MALRD1: variants seen among roughly 807,000 people sequenced by gnomAD.
MALRD1 encodes the protein MAM and LDL-receptor class A domain-containing protein 1.
A neutral mutation model predicts 242.1 loss-of-function variants in MALRD1; 247 were observed. That is an observed-to-expected ratio of 1.02 (90% CI 0.92 to 1.13). MALRD1 has a LOEUF of 1.13. Ranked by LOEUF, MALRD1 falls within the 50% of genes most tolerant of loss-of-function variation. The probability of loss-of-function intolerance (pLI) is 0.00; values close to 1 mark genes in which losing one functional copy is unlikely to be tolerated. For synonymous variants in MALRD1, 995 were observed against 866.6 expected (o/e 1.15, Z -2.60); for missense variants, 2,989 against 2,533.1 (o/e 1.18, Z -3.86).
intron 21 of MALRD1, among the ~76,000 whole-genome samples, chr10:19,321,338 G>A (rs1017594734): frequency 1.3e-5 from 2 of 152,090 alleles, no homozygotes; most frequent in Non-Finnish European, 2.9e-5. Flanking sequence ...ATTCACACAT[G>A]CAGTGTTGTA....
intron 28 of MALRD1, among the ~76,000 whole-genome samples, chr10:19,427,249 G>A (rs1833938025): frequency 6.6e-6 from 1 of 152,064 alleles, no homozygotes; most frequent in African/African-American, 2.4e-5. Flanking sequence ...GGGCATTTGG[G>A]TCTCAGTCCT....
chr10:19,729,070 G>A lies in MALRD1; in HGVS notation c.6315-1636G>A, dbSNP rs144508680. On this transcript the variant is annotated intron_variant, in intron 38 of 39. Transcript: ENST00000454679. Reference sequence around the variant, plus strand: ...TCATCAATAAGCAAAATGTACCCGCGGTGAGGGTGAAACATTTAATCTATT... The same window carrying A: ...TCATCAATAAGCAAAATGTACCCGCAGTGAGGGTGAAACATTTAATCTATT... Among the ~76,000 whole-genome samples, 999 of 152,222 alleles carry A rather than the reference G, an allele frequency of 6.6e-3. 8 individuals are homozygous for A. Among genetic ancestry groups the A allele is most frequent in the African/African-American group, 0.02 (844 of 41,534 alleles).
At chr10:19,504,615 A>T (rs1838115712) in intron 31 of MALRD1, among the ~76,000 whole-genome samples, 1 of 151,164 alleles carries the variant, frequency 6.6e-6, no homozygotes, top group South Asian at 2.1e-4. Flanking sequence ...ACTCATACAC[A>T]GACACACACA....
At chr10:19,732,999 C>G (rs1002909749) in intron 39 of MALRD1, among the ~76,000 whole-genome samples, 1 of 152,122 alleles carries the variant, frequency 6.6e-6, no homozygotes, top group Non-Finnish European at 1.5e-5. Flanking sequence ...CATCTCCTGA[C>G]CTTTGTGGCT....
chr10:19,056,525 T>C (rs745430820), intron 1 of MALRD1, among the ~76,000 whole-genome samples: 159 of 152,172 alleles, frequency 1.0e-3, no homozygotes, highest in Admixed American at 6.5e-4. Context: ...TTGATTTTTG[T>C]ATGTTGCTTT....
At chr10:19,237,120 A>G (rs1444598375) in intron 18 of MALRD1, among the ~76,000 whole-genome samples, 1 of 152,082 alleles carries the variant, frequency 6.6e-6, no homozygotes, top group Non-Finnish European at 1.5e-5. Flanking sequence ...TCATGCATTT[A>G]TCATTTCTTT....
intron 10 of MALRD1, among the ~76,000 whole-genome samples, chr10:19,141,296 T>C (rs369676298): frequency 1.2e-4 from 19 of 152,144 alleles, no homozygotes; most frequent in South Asian, 1.2e-3. Flanking sequence ...GGACACATAT[T>C]GTTTGGTCCC....
chr10:19,116,870 C>A (rs1183173709), intron 5 of MALRD1, among the ~76,000 whole-genome samples: 1 of 152,104 alleles, frequency 6.6e-6, no homozygotes. Flanking sequence ...GGGCAGATCA[C>A]CTGAGGTCAG....
intron 38 of MALRD1, among the ~76,000 whole-genome samples, chr10:19,702,262 T>C (rs759515603): frequency 6.6e-6 from 1 of 152,190 alleles, no homozygotes; most frequent in Non-Finnish European, 1.5e-5. Flanking sequence ...GCAAGTTTAA[T>C]TTTTCACTGT....
intron 10 of MALRD1, 63 bp from the exon 11 acceptor site, chr10:19,146,135 G>C: frequency 8.5e-7 from 1 of 1,180,622 alleles, no homozygotes. Flanking sequence ...AGCTAGCGTA[G>C]AGCAGTGTTT....
intron 18 of MALRD1, among the ~76,000 whole-genome samples, chr10:19,243,199 GA>G (rs1252994303): frequency 4.7e-5 from 7 of 148,350 alleles, no homozygotes; most frequent in Admixed American, 4.0e-4. Flanking sequence ...AAATACTCTT[GA>G]CTTCTCCCCC....
chr10:19,469,500 A>C (rs528053772), intron 29 of MALRD1, among the ~76,000 whole-genome samples: 107 of 152,280 alleles, frequency 7.0e-4, no homozygotes, highest in Non-Finnish European at 1.2e-3. Context: ...GAGATTCTTC[A>C]CTAAGCACAG....
chr10:19,059,489 C>G lies in MALRD1; in HGVS notation c.200-7230C>G, dbSNP rs186654996. ...TGCAACCTCTGCCTCCCGGTTCAAG[C>G]GATTCTCCTGCCTCAACCTCCCGAG... On this transcript the variant is annotated intron_variant, in intron 1 of 39. Transcript: ENST00000454679. Among the ~76,000 whole-genome samples the G allele has an allele frequency of 2.4e-3, 366 of 152,118 alleles. 3 individuals carry two copies. The highest frequency in any genetic ancestry group is 8.5e-3 in the African/African-American group (351 of 41,494).
chr10:19,469,220 T>A (rs1372037149), intron 29 of MALRD1, among the ~76,000 whole-genome samples: 1 of 152,120 alleles, frequency 6.6e-6, no homozygotes, highest in Non-Finnish European at 1.5e-5. Flanking sequence ...TAAAATAAGA[T>A]GTTCCCCTTA....
At chr10:19,585,106 T>A (rs4317887) in intron 33 of MALRD1, among the ~76,000 whole-genome samples, 90,586 of 151,784 alleles carry the variant, frequency 0.6, 28,019 homozygotes, top group African/African-American at 0.78. Flanking sequence ...TTTTATTTTG[T>A]GCCTATGTGT....
intron 1 of MALRD1, among the ~76,000 whole-genome samples, chr10:19,064,702 G>A (rs1452299989): frequency 2.0e-5 from 3 of 150,826 alleles, no homozygotes; most frequent in Non-Finnish European, 4.4e-5. Flanking sequence ...ACCAGGAGGT[G>A]GAGGCTGTGG....
intron 29 of MALRD1, among the ~76,000 whole-genome samples, chr10:19,469,822 A>G (rs1305985106): frequency 1.3e-5 from 2 of 151,958 alleles, no homozygotes; most frequent in Admixed American, 1.3e-4. Flanking sequence ...AAAAAGCTCT[A>G]TTTAGTGTAT....
chr10:19,158,223 A>G (rs996244657), intron 12 of MALRD1, among the ~76,000 whole-genome samples: 1 of 152,214 alleles, frequency 6.6e-6, no homozygotes, highest in African/African-American at 2.4e-5. Flanking sequence ...AAGTAACACA[A>G]TCTCTTACTT....
At chr10:19,535,638 ATAAT>A (rs1159780220) in intron 32 of MALRD1, among the ~76,000 whole-genome samples, 2 of 151,818 alleles carry the variant, frequency 1.3e-5, no homozygotes, top group South Asian at 2.1e-4. Flanking sequence ...AATGGTTAAA[ATAAT>A]TATTTGTACT....
Sources: allele counts gnomAD v4.1 joint callset (sites outside exome capture counted in the v4.1 genomes callset), GRCh38; gene constraint gnomAD v4.1.1; transcripts MANE v1.5; gene names NCBI Gene and HGNC (gene_info 2026-07-23, HGNC 2026-07-21).